Variants in CNTLN observed in about 807,000 individuals in gnomAD.
CNTLN encodes centlein, centrosomal protein.
Under a neutral mutation model 180.0 loss-of-function variants are expected in CNTLN, and 212 were observed. That is an observed-to-expected ratio of 1.18 (90% CI 1.05 to 1.32). The LOEUF (loss-of-function observed/expected upper bound fraction) is 1.32. CNTLN is among the 40% of genes most tolerant of loss of function. The probability of loss-of-function intolerance (pLI) is 0.00; values close to 1 mark genes in which losing one functional copy is unlikely to be tolerated. For missense variants in CNTLN, 2,095 were observed against 1,610.9 expected, an observed-to-expected ratio of 1.30 and a Z score of -5.14; for synonymous variants, 722 against 563.1, an observed-to-expected ratio of 1.28 and a Z score of -3.99.
intron 6 of CNTLN, among the ~76,000 whole-genome samples, chr9:17,292,296 C>T (rs374050423): frequency 1.3e-5 from 2 of 152,026 alleles, no homozygotes; most frequent in Non-Finnish European, 2.9e-5. Context: ...CTGATCATCT[C>T]ATGGAGTATC....
chr9:17,425,533 A>T (rs768501119), intron 18 of CNTLN, among the ~76,000 whole-genome samples: 1 of 152,160 alleles, frequency 6.6e-6, no homozygotes, highest in Non-Finnish European at 1.5e-5. Flanking sequence ...AGCCCAAGCA[A>T]ACTAATAGAT....
At chr9:17,506,593 A>G (rs1833936368), downstream of CNTLN, among the ~76,000 whole-genome samples, 1 of 152,132 alleles carries the variant, frequency 6.6e-6, no homozygotes, top group African/African-American at 2.4e-5. Flanking sequence ...TGCCTATTTT[A>G]ATTTCTTCTC....
intron 8 of CNTLN, among the ~76,000 whole-genome samples, chr9:17,309,453 G>C (rs1394457817): frequency 6.6e-6 from 1 of 152,096 alleles, no homozygotes; most frequent in Non-Finnish European, 1.5e-5. Flanking sequence ...AGAAGTGCAT[G>C]TAGAAGTACA....
At chr9:17,235,172 C>G (rs931010333) in intron 3 of CNTLN, among the ~76,000 whole-genome samples, 1 of 152,114 alleles carries the variant, frequency 6.6e-6, no homozygotes, top group African/African-American at 2.4e-5. Flanking sequence ...CCTTAACATT[C>G]TAAATATTCT....
intron 18 of CNTLN, among the ~76,000 whole-genome samples, chr9:17,419,677 G>T (rs1828551257): frequency 6.6e-6 from 1 of 151,990 alleles, no homozygotes; most frequent in Admixed American, 6.6e-5. Context: ...GCATATATAA[G>T]AAATAACCTT....
At chr9:17,163,295 T>C (rs1457188350) in intron 2 of CNTLN, among the ~76,000 whole-genome samples, 2 of 152,204 alleles carry the variant, frequency 1.3e-5, no homozygotes, top group Non-Finnish European at 2.9e-5. Flanking sequence ...AGCCAAACCA[T>C]ATTAGATGAT....
At chr9:17,517,576 G>A in the CNTLN span, among the ~76,000 whole-genome samples, 1 of 152,194 alleles carries the variant, frequency 6.6e-6, no homozygotes, top group African/African-American at 2.4e-5. Context: ...ACAGAGGGAA[G>A]AGGACCATGT....
At chr9:17,479,932 C>T (rs1347852915) in intron 23 of CNTLN, among the ~76,000 whole-genome samples, 1 of 152,064 alleles carries the variant, frequency 6.6e-6, no homozygotes, top group Non-Finnish European at 1.5e-5. Flanking sequence ...ATATGGTATC[C>T]TGGGACTAGC....
In CNTLN at chr9:17,135,117, C is replaced by T. The variant is rs41306071; in HGVS notation, c.52C>T (p.Leu18=). The change falls in exon 1 of 26, where the codon CTG becomes TTG. Residue 18 remains leucine (L), a synonymous_variant. Coordinates refer to ENST00000380647, the MANE Select transcript of CNTLN (RefSeq NM_017738.4). ...GCACCCTTCGCCCCCAGCGCGACAGCTGGGCCCCAGGTCCCCACGTGTTGG... is the reference window on the plus strand; with the variant it reads ...GCACCCTTCGCCCCCAGCGCGACAGTTGGGCCCCAGGTCCCCACGTGTTGG... ...SPHPSPPARQ[L]GPRSPRVGRG... 0.25 allele frequency: 408,310 copies of T among 1,605,070 alleles called. 55,526 individuals carry two copies. Among genetic ancestry groups the T allele is most frequent in the Non-Finnish European group, 0.29 (336,670 of 1,176,920 alleles).
At chr9:17,142,468 A>G (rs1818172200) in intron 1 of CNTLN, among the ~76,000 whole-genome samples, 1 of 152,102 alleles carries the variant, frequency 6.6e-6, no homozygotes, top group African/African-American at 2.4e-5. Flanking sequence ...TTTTTTGAAC[A>G]AGTTAAATTT....
chr9:17,258,159 G>A (rs1200711587), intron 5 of CNTLN, among the ~76,000 whole-genome samples: 27 of 146,064 alleles, frequency 1.8e-4, no homozygotes, highest in Non-Finnish European at 3.0e-5. Flanking sequence ...TTTGTATAAG[G>A]TGTAAGGAAG....
At chr9:17,201,182 C>T (rs753025463) in intron 2 of CNTLN, among the ~76,000 whole-genome samples, 4 of 152,086 alleles carry the variant, frequency 2.6e-5, no homozygotes, top group African/African-American at 4.8e-5. Flanking sequence ...TGGATGAAGC[C>T]GTCTTGATCG....
chr9:17,386,448 A>G (rs1157726999), intron 13 of CNTLN, among the ~76,000 whole-genome samples: 1 of 152,226 alleles, frequency 6.6e-6, no homozygotes, highest in Non-Finnish European at 1.5e-5. Flanking sequence ...AGTGAAGCAT[A>G]TGCTCACATC....
chr9:17,232,778 C>T lies in CNTLN; in HGVS notation c.535-2880C>T, dbSNP rs1824895182. ...TATCAAATGTATAATATAGATAATA[C>T]AAAAATTTAGAAATGGCAAGAATTA... On this transcript the variant is annotated intron_variant, in intron 3 of 25. Coordinates refer to ENST00000380647, the MANE Select transcript of CNTLN (RefSeq NM_017738.4). Among the ~76,000 whole-genome samples the T allele has an allele frequency of 7.3e-5, 11 of 151,638 alleles. No homozygotes were observed. In the South Asian group the frequency reaches 2.1e-3, roughly 29 times the overall value.
At chr9:17,493,930 T>G (rs1182462067) in intron 25 of CNTLN, among the ~76,000 whole-genome samples, 1 of 152,228 alleles carries the variant, frequency 6.6e-6, no homozygotes, top group Non-Finnish European at 1.5e-5. Context: ...GGTTGCGTTC[T>G]GTCTCACGTT....
chr9:17,380,257 T>C (rs1825132135), intron 13 of CNTLN, among the ~76,000 whole-genome samples: 1 of 152,080 alleles, frequency 6.6e-6, no homozygotes, highest in Non-Finnish European at 1.5e-5. Context: ...TATGGGAGGA[T>C]GGTTGGGAGA....
Position 17,309,220 on chromosome 9 carries a change from C to A in CNTLN, c.1309C>A (p.Pro437Thr). The A allele has an allele frequency of 6.2e-7, 1 of 1,600,822 alleles. No homozygotes were observed. Among genetic ancestry groups the A allele is most frequent in the South Asian group, 1.1e-5 (1 of 88,804 alleles). The change falls in exon 8 of 26, where the codon CCT (proline) becomes ACT (threonine). Residue 437 changes from proline (P) to threonine (T), a missense_variant. Physicochemically the swap from Pro to Thr is conservative, Grantham distance 38. Transcript: ENST00000380647. ...QESQGAPLPL[P>T]QESDPDYSAQ... Reference sequence around the variant, plus strand: ...ATCACAGGGAGCACCTCTTCCTTTACCTCAAGAAAGTGATCCAGACTACTC... The same window carrying A: ...ATCACAGGGAGCACCTCTTCCTTTAACTCAAGAAAGTGATCCAGACTACTC...
the CNTLN span, among the ~76,000 whole-genome samples, chr9:17,518,036 C>CTTTTTTTTTTTTT: frequency 5.2e-4 from 36 of 69,246 alleles, no homozygotes; most frequent in Non-Finnish European, 5.6e-4. Context: ...TTTTCTTTTC[C>CTTTTTTTTTTTTT]TTTTTTTTTT....
At chr9:17,265,554 C>T (rs1262855351) in intron 5 of CNTLN, among the ~76,000 whole-genome samples, 1 of 152,066 alleles carries the variant, frequency 6.6e-6, no homozygotes, top group Non-Finnish European at 1.5e-5. Flanking sequence ...ATGCTGGCCT[C>T]ATAAAATGAG....
Sources: allele counts gnomAD v4.1 joint callset (sites outside exome capture counted in the v4.1 genomes callset), GRCh38; gene constraint gnomAD v4.1.1; transcripts MANE v1.5; gene names NCBI Gene and HGNC (gene_info 2026-07-23, HGNC 2026-07-21).